KCNH4: variants seen among roughly 807,000 people sequenced by gnomAD.
KCNH4 encodes the protein potassium voltage-gated channel subfamily H member 4.
In KCNH4, 33 loss-of-function variants were observed where a neutral mutation model predicts 90.7. That is an observed-to-expected ratio of 0.36 (90% confidence interval 0.28 to 0.49). The LOEUF (loss-of-function observed/expected upper bound fraction) is 0.49. Ranked by LOEUF, KCNH4 falls within the 20% of genes least tolerant of loss-of-function variation. KCNH4 has a pLI of 0.98. For missense variants in KCNH4, 1,044 were observed against 1,387.1 expected, an observed-to-expected ratio of 0.75 and a Z score of 3.93; for synonymous variants, 551 against 581.7, an observed-to-expected ratio of 0.95 and a Z score of 0.76.
intron 15 of KCNH4, 50 bp downstream of exon 15, chr17:42,162,198 G>A: frequency 6.6e-7 from 1 of 1,521,788 alleles, no homozygotes; most frequent in Non-Finnish European, 9.1e-7. Context: ...CACGTGTAGG[G>A]TCTGAAATGC....
At position 42,157,042 on chromosome 17, in the gene KCNH4, G is replaced by C. The variant is rs1805084124; in HGVS notation, c.*386C>G. 1 of 152,516 alleles carries C rather than the reference G, an allele frequency of 6.6e-6. No individual in the cohort carries two copies. Among genetic ancestry groups the C allele is most frequent in the Non-Finnish European group, 1.5e-5 (1 of 68,188 alleles). The allele number at this position is 152,516 out of a possible 1,614,324, so 9.4% of individuals were successfully genotyped here. On this transcript the variant is annotated 3_prime_UTR_variant, in exon 17 of 17. Transcript: ENST00000264661. ...GGAGAACAGGCTTGGCAGCGGTCTG[G>C]GGTCAGGGAAAGGATAGGGAGTGCT... is the stretch of plus-strand genomic sequence containing the variant.
rs139161684 is a variant in KCNH4, at chr17:42,164,159, G to A, written c.2095C>T (p.Arg699Cys). ...RQGSDTSGLS[R>C]FSRSPRLSQP... ...GAGAGGCGAGGGGATCGGGAAAAGCGGCTGAGGCCCTGTGGGGACATAGGA... is the reference window on the plus strand; with the variant it reads ...GAGAGGCGAGGGGATCGGGAAAAGCAGCTGAGGCCCTGTGGGGACATAGGA... The change falls in exon 12 of 17, where the codon CGC becomes TGC. Residue 699 changes from arginine to cysteine, a missense_variant. Arg to Cys is a radical substitution (Grantham distance 180, BLOSUM62 -3). Around this residue, in one of 4 missense-constraint regions of KCNH4, gnomAD observed 441 missense variants for 512.3 expected, o/e 0.86. Transcript: ENST00000264661. 8.6e-5 allele frequency: 133 copies of A among 1,552,378 alleles called. No individual in the cohort carries two copies. The African/African-American group carries it at 9.0e-4, about 11-fold the overall frequency.
chr17:42,176,190 G>C lies in KCNH4; in HGVS notation c.693C>G (p.Gly231=). 7 of 1,613,970 alleles carry C rather than the reference G, an allele frequency of 4.3e-6. No individual in the cohort carries two copies. Among genetic ancestry groups the C allele is most frequent in the African/African-American group, 1.3e-5 (1 of 74,986 alleles). Residue 231 remains glycine, a synonymous_variant, in exon 5 of 17, where the codon GGC becomes GGG. Coordinates refer to ENST00000264661, the MANE Select transcript of KCNH4 (RefSeq NM_012285.3). ...HYSVSKAIWD[G]LILLATFYVA... is the part of the protein sequence containing the mutation. The stretch of plus-strand genomic sequence containing the variant: ...CGTAGAAGGTGGCAAGGAGGATAAG[G>C]CCGTCCCAGATGGCCTTGGAGACGC...
At position 42,180,346 on chromosome 17, in the gene KCNH4, G is replaced by A. The variant is rs371388860; in HGVS notation, c.76+524C>T. On this transcript the variant is annotated intron_variant, in intron 1 of 16. Transcript: ENST00000264661. This position sits in a 1 kb window ranked among gnomAD's most constrained non-coding sequence, Gnocchi z 4.7. ...GTTGGGCGAGCTGGGAGTTCCCACCGTCGCACAGACCGCTCCCCTCCTCCT... is the reference window on the plus strand; with the variant it reads ...GTTGGGCGAGCTGGGAGTTCCCACCATCGCACAGACCGCTCCCCTCCTCCT... Among the ~76,000 whole-genome samples, 7 of 152,250 alleles carry A rather than the reference G, an allele frequency of 4.6e-5. No individual in the cohort carries two copies. In the South Asian group the frequency reaches 1.0e-3, roughly 23 times the overall value.
chr17:42,176,581 G>C (rs977585019), intron 4 of KCNH4, among the ~76,000 whole-genome samples: 1 of 141,122 alleles, frequency 7.1e-6, no homozygotes, highest in Non-Finnish European at 1.5e-5. Context: ...GGAGTGCAAG[G>C]GCATGATCTT....
rs745348684 is a variant in KCNH4, at chr17:42,166,286, G to A, written c.1840+11C>T. On this transcript the variant is annotated intron_variant, in intron 10 of 16. Coordinates refer to ENST00000264661, the MANE Select transcript of KCNH4 (RefSeq NM_012285.3). Reference sequence around the variant, plus strand: ...TCCAGGGTAGGTAGTAGAGGGTGACGGTGTCCTTACCCAGGATGGCCAGCA... The same window carrying A: ...TCCAGGGTAGGTAGTAGAGGGTGACAGTGTCCTTACCCAGGATGGCCAGCA... 21 of 1,591,200 alleles carry A rather than the reference G, an allele frequency of 1.3e-5. No individual in the cohort carries two copies. The highest frequency in any genetic ancestry group is 4.0e-5 in the African/African-American group (3 of 74,356).
chr17:42,170,240 G>A lies in KCNH4; in HGVS notation c.1257C>T (p.Gly419=). Residue 419 remains glycine (G), a synonymous_variant, in exon 8 of 17, where the codon GGC becomes GGT. Coordinates refer to ENST00000264661, the MANE Select transcript of KCNH4 (RefSeq NM_012285.3). ...CGATGTAGGCGCTGCGCCGTGATGG[G>A]CCGCCCACCGAGCCATTGACATAGG... is the stretch of plus-strand genomic sequence containing the variant. ...EVPYVNGSVG[G]PSRRSAYIAA... is the part of the protein sequence containing the mutation. The A allele has an allele frequency of 6.2e-7, 1 of 1,609,034 alleles. No individual in the cohort carries two copies. Among genetic ancestry groups the A allele is most frequent in the Non-Finnish European group, 8.5e-7 (1 of 1,179,866 alleles).
chr17:42,163,790 C>A lies in KCNH4; in HGVS notation c.2293G>T (p.Glu765Ter). Residue 765 changes from glutamate (E) to a stop codon, truncating the protein, a stop_gained, in exon 13 of 17, where the codon GAG becomes TAG. Coordinates refer to ENST00000264661, the MANE Select transcript of KCNH4 (RefSeq NM_012285.3). LOFTEE classifies it high-confidence loss of function. The surrounding 1 kb of genome is among the most constrained non-coding windows in gnomAD (Gnocchi z 5.4). ...ACAAGGGCTGAGAATGGGGGCAGCT[C>A]CTCGCCCAAAAGGCTGACCAGGGAG... ...RGSLVSLLGE[E>*]LPPFSALVSS... 1 of 1,544,756 alleles carries A rather than the reference C, an allele frequency of 6.5e-7. No homozygotes were observed.
At chr17:42,160,646 TACAC>T (rs2079739860) in intron 15 of KCNH4, among the ~76,000 whole-genome samples, 1 of 152,150 alleles carries the variant, frequency 6.6e-6, no homozygotes, top group South Asian at 2.1e-4. Flanking sequence ...ATTCCTCCCC[TACAC>T]ACACACGCGC....
At chr17:42,177,359 T>C (rs1401793185) in intron 4 of KCNH4, among the ~76,000 whole-genome samples, 1 of 149,526 alleles carries the variant, frequency 6.7e-6, no homozygotes, top group Non-Finnish European at 1.5e-5. Context: ...TCCAGATAAT[T>C]TTTAATTTTT....
At position 42,161,783 on chromosome 17, in the gene KCNH4, A is replaced by T. The variant is rs569739638; in HGVS notation, c.2658+465T>A. Among the ~76,000 whole-genome samples the T allele has an allele frequency of 3.3e-5, 5 of 152,304 alleles. No individual in the cohort carries two copies. In the South Asian group the frequency reaches 1.0e-3, roughly 32 times the overall value. On this transcript the variant is annotated intron_variant, in intron 15 of 16. Transcript: ENST00000264661. ...ACATGCCAGGGATTGGACCAGGCAC[A>T]TATGCACTCTCATTTCATCCTTAAA...
In KCNH4 at chr17:42,180,997, C is replaced by A. The variant is rs945652150; in HGVS notation, c.-52G>T. 8 of 1,562,458 alleles carry A rather than the reference C, an allele frequency of 5.1e-6. No homozygotes were observed. Among genetic ancestry groups the A allele is most frequent in the Non-Finnish European group, 6.1e-6 (7 of 1,143,350 alleles). ...GGCGCTGGGGAGCTTTCAGCGCGGC[C>A]GGGCCGGAGGGGGCGCGCTGTCGGA... On this transcript the variant is annotated 5_prime_UTR_variant, in exon 1 of 17. Transcript: ENST00000264661. The surrounding 1 kb of genome is among the most constrained non-coding windows in gnomAD (Gnocchi z 4.7).
Position 42,179,165 on chromosome 17 carries a change from T to C in KCNH4, c.77-139A>G, listed in dbSNP as rs112528503. ...GTTTCCATGTTGCTCCTGACCCCAC[T>C]TTGGGATATTCTGAATTGAGAATTG... On this transcript the variant is annotated intron_variant, in intron 1 of 16. Coordinates refer to ENST00000264661, the MANE Select transcript of KCNH4 (RefSeq NM_012285.3). 2,425 of 626,566 alleles carry C rather than the reference T, an allele frequency of 3.9e-3. 51 individuals are homozygous for C. In the African/African-American group the frequency reaches 0.04, roughly 10 times the overall value. 38.8% of individuals were successfully genotyped at this position (626,566 alleles called of 1,614,324 possible).
chr17:42,172,983 G>A (rs1337121714), intron 6 of KCNH4, among the ~76,000 whole-genome samples: 9 of 151,740 alleles, frequency 5.9e-5, no homozygotes, highest in Non-Finnish European at 1.3e-4. Context: ...GAAGAGTTGA[G>A]GGGGCAGGAG....
chr17:42,165,028 C>T (rs2079776912), intron 11 of KCNH4, among the ~76,000 whole-genome samples: 1 of 151,888 alleles, frequency 6.6e-6, no homozygotes, highest in Non-Finnish European at 1.5e-5. Flanking sequence ...ATTGCTCCAA[C>T]CCAGGAGGCA....
At chr17:42,175,761 G>A in intron 5 of KCNH4, 25 bp from the exon 6 acceptor site, 1 of 1,613,002 alleles carries the variant, frequency 6.2e-7, no homozygotes, top group East Asian at 2.2e-5. Flanking sequence ...GGCTATTACT[G>A]GGGGGCCTTG....
Position 42,165,436 on chromosome 17 carries a change from G to A in KCNH4, c.2085+13C>T, listed in dbSNP as rs745941682. The A allele has an allele frequency of 9.9e-6, 16 of 1,613,758 alleles. No individual in the cohort carries two copies. In the East Asian group the frequency reaches 3.1e-4, roughly 31 times the overall value. ...GACTCTGGAAGGATGGCGGTCATCA[G>A]GGGTGTACATACACTGGTGTCAGAG... On this transcript the variant is annotated intron_variant, in intron 11 of 16. Transcript: ENST00000264661.
intron 12 of KCNH4, 82 bp from the exon 13 acceptor site, chr17:42,164,040 G>A: frequency 6.6e-7 from 1 of 1,508,212 alleles, no homozygotes; most frequent in South Asian, 1.2e-5. Flanking sequence ...GCCGGCGGAT[G>A]CAGCTCCCCA....
At chr17:42,173,629 G>T (rs893770767) in intron 6 of KCNH4, among the ~76,000 whole-genome samples, 1 of 147,810 alleles carries the variant, frequency 6.8e-6, no homozygotes, top group African/African-American at 2.5e-5. Context: ...AGGGGCCCTG[G>T]TTACCTGGGA....
Sources: allele counts gnomAD v4.1 joint callset (sites outside exome capture counted in the v4.1 genomes callset), GRCh38; gene constraint gnomAD v4.1.1; regional missense constraint gnomAD v4.1.1; non-coding constraint Gnocchi (gnomAD v3.1); transcripts MANE v1.5; gene names NCBI Gene and HGNC (gene_info 2026-07-23, HGNC 2026-07-21).